The following FOCAD variants were observed in gnomAD, a reference collection of about 807,000 sequenced individuals.
FOCAD encodes focadhesin.
A neutral mutation model predicts 225.6 loss-of-function variants in FOCAD; 198 were observed. The ratio of observed to expected loss-of-function variants is 0.88; its 90% CI spans 0.78 to 0.99. The LOEUF is 0.99. Among genes scored for constraint, FOCAD ranks in the 50% least tolerant of loss-of-function variants. The pLI is 0.00. For missense variants in FOCAD, 2,713 were observed against 2,123.6 expected, an observed-to-expected ratio of 1.28 and a Z score of -5.46; for synonymous variants, 897 against 755.0, an observed-to-expected ratio of 1.19 and a Z score of -3.08.
chr9:20,921,552 A>C (rs1587616948), intron 24 of FOCAD, among the ~76,000 whole-genome samples: 1 of 152,310 alleles, frequency 6.6e-6, no homozygotes, highest in East Asian at 1.9e-4. Context: ...TGTGGCAGGC[A>C]TGAAGGGAAT....
intron 1 of FOCAD, among the ~76,000 whole-genome samples, chr9:20,710,603 A>C (rs1824769234): frequency 6.6e-6 from 1 of 152,026 alleles, no homozygotes; most frequent in Admixed American, 6.5e-5. Flanking sequence ...TCTCAAAAAA[A>C]AAAAATAATA....
intron 35 of FOCAD, among the ~76,000 whole-genome samples, chr9:20,963,261 T>C (rs1313582039): frequency 6.6e-6 from 1 of 152,242 alleles, no homozygotes; most frequent in Non-Finnish European, 1.5e-5. Context: ...TCTTTGTTGC[T>C]GACACTTGCA....
At position 20,764,724 on chromosome 9, in the gene FOCAD, C is replaced by T. The variant is rs184225164; in HGVS notation, c.495-145C>T. On this transcript the variant is annotated intron_variant, in intron 6 of 43. Coordinates refer to ENST00000338382, the MANE Select transcript of FOCAD (RefSeq NM_001375567.1). ...TGGCATAGATGTAGGCAGGTCATAG[C>T]GGAATAGAAGAATCATAAAAAGAAG... The T allele has an allele frequency of 3.4e-4, 228 of 668,254 alleles. 1 individual carries two copies. Among genetic ancestry groups the T allele is most frequent in the African/African-American group, 2.6e-3 (145 of 55,374 alleles). The allele number at this position is 668,254 out of a possible 1,614,324, so 41.4% of individuals were successfully genotyped here. A position where few individuals can be genotyped will look rare whatever the true frequency, so the allele number is the denominator to read the frequency against.
upstream of FOCAD, among the ~76,000 whole-genome samples, chr9:20,682,839 C>A (rs372541626): frequency 6.6e-6 from 1 of 152,148 alleles, no homozygotes; most frequent in Non-Finnish European, 1.5e-5. Flanking sequence ...GGCGCCACCT[C>A]GGCTCACTGC....
At chr9:20,679,443 GTC>G (rs1175820998), upstream of FOCAD, among the ~76,000 whole-genome samples, 1 of 152,126 alleles carries the variant, frequency 6.6e-6, no homozygotes, top group Admixed American at 6.5e-5. Context: ...AAGGCTTTGT[GTC>G]TCTCTCCTGA....
chr9:20,955,886 ATTCT>A lies in FOCAD; in HGVS notation c.4132+2826_4132+2829del, dbSNP rs540557333. Among the ~76,000 whole-genome samples the A allele has an allele frequency of 1.8e-3, 277 of 152,226 alleles. 1 individual carries two copies. Among genetic ancestry groups the A allele is most frequent in the Middle Eastern group, 0.01 (3 of 294 alleles). ...ATATTTAAAGTACTTAATAAAAGTG[ATTCT>A]TTCTAATGCTAATATTAGATATTTC... is the stretch of plus-strand genomic sequence containing the variant. On this transcript the variant is annotated intron_variant, in intron 35 of 43. Coordinates refer to ENST00000338382, the MANE Select transcript of FOCAD (RefSeq NM_001375567.1).
chr9:20,975,278 T>C (rs938927765), intron 35 of FOCAD, among the ~76,000 whole-genome samples: 34 of 152,212 alleles, frequency 2.2e-4, no homozygotes, highest in African/African-American at 8.2e-4. Flanking sequence ...ACAAATGCTC[T>C]ACTATCTGTT....
At chr9:20,844,381 G>C (rs1222432531) in intron 15 of FOCAD, among the ~76,000 whole-genome samples, 1 of 35,730 alleles carries the variant, frequency 2.8e-5, no homozygotes, top group Non-Finnish European at 5.7e-5. Context: ...TTTTTGTTGA[G>C]ACAGAGTCTC....
intron 28 of FOCAD, among the ~76,000 whole-genome samples, chr9:20,939,540 G>A (rs895466234): frequency 6.6e-6 from 1 of 152,094 alleles, no homozygotes; most frequent in African/African-American, 2.4e-5. Context: ...TTTAAATGCG[G>A]GGAGTACCAT....
At chr9:20,935,024 T>G (rs900737328) in intron 28 of FOCAD, among the ~76,000 whole-genome samples, 2 of 152,154 alleles carry the variant, frequency 1.3e-5, no homozygotes, top group Non-Finnish European at 2.9e-5. Flanking sequence ...AGAATCAATA[T>G]TGTGATAATT....
intron 6 of FOCAD, among the ~76,000 whole-genome samples, chr9:20,760,782 A>T (rs913741227): frequency 6.6e-6 from 1 of 152,054 alleles, no homozygotes; most frequent in South Asian, 2.1e-4. Context: ...TGTATTAGTG[A>T]TGCTTGGCAC....
intron 11 of FOCAD, among the ~76,000 whole-genome samples, chr9:20,808,562 T>G (rs1183921039): frequency 2.0e-5 from 3 of 152,218 alleles, no homozygotes; most frequent in African/African-American, 7.2e-5. Context: ...ATATTTTCTG[T>G]GTGTCAATAG....
intron 2 of FOCAD, among the ~76,000 whole-genome samples, chr9:20,663,940 G>C (rs1278421583): frequency 6.6e-6 from 1 of 152,076 alleles, no homozygotes; most frequent in Non-Finnish European, 1.5e-5. Context: ...TAAATCACTA[G>C]TGGATGATGT....
chr9:20,941,931 C>T (rs1028340000), intron 28 of FOCAD, among the ~76,000 whole-genome samples: 1 of 152,114 alleles, frequency 6.6e-6, no homozygotes, highest in African/African-American at 2.4e-5. Flanking sequence ...CTGAACTAAG[C>T]ACCTGGGGGA....
At chr9:20,762,814 G>C (rs1314899866) in intron 6 of FOCAD, among the ~76,000 whole-genome samples, 1 of 151,820 alleles carries the variant, frequency 6.6e-6, no homozygotes, top group Non-Finnish European at 1.5e-5. Context: ...TTCAGCCCTT[G>C]CCCCTCCTTC....
At chr9:20,874,619 A>G (rs568770549) in intron 18 of FOCAD, 62 bp from the exon 19 acceptor site, 26 of 1,556,752 alleles carry the variant, frequency 1.7e-5, no homozygotes, top group African/African-American at 2.8e-5. Context: ...AAGGATACAG[A>G]AAAGATTTTG....
At chr9:20,697,425 G>A (rs948222023) in intron 1 of FOCAD, among the ~76,000 whole-genome samples, 1 of 152,162 alleles carries the variant, frequency 6.6e-6, no homozygotes, top group African/African-American at 2.4e-5. Context: ...CCCTGTAGAG[G>A]CTTACATGAT....
intron 33 of FOCAD, 63 bp downstream of exon 33, chr9:20,949,738 T>C: frequency 7.7e-7 from 1 of 1,291,296 alleles, no homozygotes; most frequent in Non-Finnish European, 1.1e-6. Context: ...TCTTTTTTTC[T>C]ATTACATGAT....
At chr9:20,766,203 G>A (rs914878681) in intron 7 of FOCAD, among the ~76,000 whole-genome samples, 13 of 152,028 alleles carry the variant, frequency 8.6e-5, no homozygotes, top group African/African-American at 3.1e-4. Flanking sequence ...TTAGAAATGA[G>A]CTCGGTGGAA....
Sources: gnomAD v4.1 joint callset for allele counts (sites outside exome capture counted in the v4.1 genomes callset) on GRCh38, gnomAD v4.1.1 for gene constraint, MANE v1.5 for transcripts, NCBI Gene and HGNC (gene_info 2026-07-23, HGNC 2026-07-21) for gene names.